Variants in VTA1 observed in about 807,000 individuals in gnomAD.
VTA1 encodes vacuolar protein sorting-associated protein VTA1 homolog.
In VTA1, 24 loss-of-function variants were observed where a neutral mutation model predicts 36.9. The ratio of observed to expected loss-of-function variants is 0.65; its 90% CI spans 0.47 to 0.91. The LOEUF (loss-of-function observed/expected upper bound fraction) is 0.91. Ranked by LOEUF, VTA1 falls within the 40% of genes least tolerant of loss-of-function variation. VTA1 has a pLI of 0.00. For missense variants in VTA1, 393 were observed against 377.2 expected (o/e 1.04, Z -0.35); for synonymous variants, 142 against 130.2 (o/e 1.09, Z -0.62).
At chr6:142,169,742 G>C (rs1774993447) in intron 3 of VTA1, 65 bp downstream of exon 3, 1 of 1,365,694 alleles carries the variant, frequency 7.3e-7, no homozygotes, top group Non-Finnish European at 9.5e-7. Flanking sequence ...AAATTAACTA[G>C]TTTTCTCTGG....
At chr6:142,196,845 T>C (rs534959748) in intron 5 of VTA1, among the ~76,000 whole-genome samples, 2 of 152,330 alleles carry the variant, frequency 1.3e-5, no homozygotes, top group East Asian at 3.9e-4. Context: ...TTGATTCTTA[T>C]TCCAGCAGAC....
chr6:142,187,020 A>G (rs1278008030), intron 4 of VTA1, among the ~76,000 whole-genome samples: 1 of 152,204 alleles, frequency 6.6e-6, no homozygotes, highest in Non-Finnish European at 1.5e-5. Context: ...TCAGATAATT[A>G]TTACTAAATA....
chr6:142,147,522 G>T, intron 1 of VTA1, 123 bp downstream of exon 1: 2 of 1,013,606 alleles, frequency 2.0e-6, no homozygotes, highest in Non-Finnish European at 2.9e-6. Context: ...TTGACCTCGA[G>T]CCTACCCAGG....
intron 5 of VTA1, among the ~76,000 whole-genome samples, chr6:142,197,717 A>G (rs897250964): frequency 3.9e-5 from 6 of 152,134 alleles, no homozygotes; most frequent in African/African-American, 1.4e-4. Context: ...TGGATAGCAT[A>G]AATGTGGCAT....
At chr6:142,173,242 A>G (rs570547213) in intron 4 of VTA1, among the ~76,000 whole-genome samples, 37 of 152,318 alleles carry the variant, frequency 2.4e-4, no homozygotes, top group African/African-American at 8.9e-4. Context: ...AATGAGAGAG[A>G]TGACTAAATA....
chr6:142,156,846 AT>A (rs1280713004), intron 1 of VTA1, among the ~76,000 whole-genome samples: 4 of 152,206 alleles, frequency 2.6e-5, no homozygotes, highest in Non-Finnish European at 2.9e-5. Flanking sequence ...ATAACAATGG[AT>A]TTCTTTATTG....
At chr6:142,174,156 G>A (rs1396794323) in intron 4 of VTA1, among the ~76,000 whole-genome samples, 2 of 152,172 alleles carry the variant, frequency 1.3e-5, no homozygotes, top group Non-Finnish European at 2.9e-5. Flanking sequence ...GCCACTGGCA[G>A]CTTGCACCCT....
chr6:142,172,898 T>G (rs1381565160), intron 4 of VTA1, among the ~76,000 whole-genome samples: 1 of 151,904 alleles, frequency 6.6e-6, no homozygotes, highest in Non-Finnish European at 1.5e-5. Context: ...GAACTATGCC[T>G]TGGGGTGCTT....
rs2114694040 is a variant in VTA1 at position 142,219,748 on chromosome 6, CTG to C, written c.*1106_*1107del. 6.6e-6 allele frequency: 1 copy of C among 152,188 alleles called. No homozygotes were observed. Among genetic ancestry groups the C allele is most frequent in the African/African-American group, 2.4e-5 (1 of 41,522 alleles). The allele number at this position is 152,188 out of a possible 1,614,324, so 9.4% of individuals were successfully genotyped here. ...TTTAAGATAAATTTGACAAAGTTAA[CTG>C]AAATTTATCTGGTCCATTTTATTCA... On this transcript the variant is annotated 3_prime_UTR_variant, in exon 8 of 8. Transcript: ENST00000367630.
At chr6:142,213,153 G>T (rs924114861) in intron 7 of VTA1, among the ~76,000 whole-genome samples, 3 of 152,192 alleles carry the variant, frequency 2.0e-5, no homozygotes, top group Non-Finnish European at 2.9e-5. Flanking sequence ...GAGGGTGCAG[G>T]CACTGGATAA....
intron 4 of VTA1, among the ~76,000 whole-genome samples, chr6:142,185,471 A>C (rs1313751429): frequency 1.3e-5 from 2 of 152,218 alleles, no homozygotes; most frequent in African/African-American, 4.8e-5. Context: ...TTGCTGGAGC[A>C]TAGGTTAATA....
intron 4 of VTA1, among the ~76,000 whole-genome samples, chr6:142,174,866 C>G (rs140926054): frequency 6.6e-6 from 1 of 152,146 alleles, no homozygotes; most frequent in African/African-American, 2.4e-5. Context: ...CCTTGCGACA[C>G]GCTGGCTTCC....
intron 1 of VTA1, among the ~76,000 whole-genome samples, chr6:142,162,537 G>A (rs974105646): frequency 2.6e-5 from 4 of 152,170 alleles, no homozygotes; most frequent in African/African-American, 9.7e-5. Flanking sequence ...CGAGATTAAA[G>A]TGTGTTTGAA....
rs1776148278 is a variant in VTA1 at position 142,223,346 on chromosome 6, T to C, written c.*4703T>C. ...ATTTTGGAGAAGGTGTTCCACATCA[T>C]TAGGGAGTCTGGGTTTCCCAGATGT... is the stretch of plus-strand genomic sequence containing the variant. On this transcript the variant is annotated 3_prime_UTR_variant, in exon 8 of 8. Coordinates refer to ENST00000367630, the MANE Select transcript of VTA1 (RefSeq NM_016485.5). The C allele has an allele frequency of 6.6e-6, 1 of 152,214 alleles. No individual in the cohort carries two copies. Among genetic ancestry groups the C allele is most frequent in the Admixed American group, 6.5e-5 (1 of 15,280 alleles). 9.4% of individuals were successfully genotyped at this position (152,214 alleles called of 1,614,324 possible).
At chr6:142,206,413 T>G (rs1775791550) in intron 7 of VTA1, among the ~76,000 whole-genome samples, 1 of 152,176 alleles carries the variant, frequency 6.6e-6, no homozygotes, top group Admixed American at 6.5e-5. Context: ...TTACAAGATC[T>G]ATATGAGGAG....
chr6:142,218,922 C>T lies in VTA1; in HGVS notation c.*279C>T. The T allele has an allele frequency of 4.2e-6, 1 of 237,468 alleles. No individual in the cohort carries two copies. Among genetic ancestry groups the T allele is most frequent in the Non-Finnish European group, 7.9e-6 (1 of 126,622 alleles). 14.7% of individuals were successfully genotyped at this position (237,468 alleles called of 1,614,324 possible). ...AACCCTGCTTCAAAAAATGAAAACA[C>T]ACCTCTATAAAATGTGTACTGGGAA... On this transcript the variant is annotated 3_prime_UTR_variant, in exon 8 of 8. Coordinates refer to ENST00000367630, the MANE Select transcript of VTA1 (RefSeq NM_016485.5).
chr6:142,176,698 G>C (rs1338535204), intron 4 of VTA1, among the ~76,000 whole-genome samples: 2 of 151,604 alleles, frequency 1.3e-5, no homozygotes, highest in Non-Finnish European at 2.9e-5. Context: ...ATTTAAAAAG[G>C]CATACAGATA....
At chr6:142,187,469 T>A (rs1775361234) in intron 4 of VTA1, among the ~76,000 whole-genome samples, 1 of 152,218 alleles carries the variant, frequency 6.6e-6, no homozygotes, top group Non-Finnish European at 1.5e-5. Flanking sequence ...GGCTGACGCA[T>A]GTGGGCTCCC....
intron 1 of VTA1, among the ~76,000 whole-genome samples, chr6:142,159,095 C>T (rs930778090): frequency 2.0e-5 from 3 of 152,150 alleles, no homozygotes; most frequent in African/African-American, 7.2e-5. Context: ...CATGGTGGCT[C>T]ATGCCTGTAA....
Sources: gnomAD v4.1 joint callset for allele counts (sites outside exome capture counted in the v4.1 genomes callset) on GRCh38, gnomAD v4.1.1 for gene constraint, MANE v1.5 for transcripts, NCBI Gene and HGNC (gene_info 2026-07-23, HGNC 2026-07-21) for gene names.